Variants in KCNMB2 observed in about 807,000 individuals in gnomAD.
The protein encoded by KCNMB2 is calcium-activated potassium channel subunit beta-2.
In KCNMB2, 9 loss-of-function variants were observed where a neutral mutation model predicts 24.5. That is an observed-to-expected ratio of 0.37 (90% CI 0.22 to 0.64). The LOEUF (loss-of-function observed/expected upper bound fraction) is 0.64, where lower values mean the gene tolerates loss of function less well. Ranked by LOEUF, KCNMB2 falls within the 30% of genes least tolerant of loss-of-function variation. KCNMB2 has a pLI of 0.63. For synonymous variants in KCNMB2, 109 were observed against 104.4 expected (o/e 1.04, Z -0.27); for missense variants, 226 against 284.3 (o/e 0.79, Z 1.47).
chr3:178,538,560 C>T (rs1576996840), intron 1 of KCNMB2, among the ~76,000 whole-genome samples: 1 of 152,184 alleles, frequency 6.6e-6, no homozygotes, highest in East Asian at 1.9e-4. Context: ...AATCTAATTG[C>T]ATCAAGTATT....
intron 1 of KCNMB2, among the ~76,000 whole-genome samples, chr3:178,547,303 G>A (rs1715806473): frequency 6.6e-6 from 1 of 152,110 alleles, no homozygotes; most frequent in African/African-American, 2.4e-5. Context: ...TCAGTCTCAG[G>A]TATTCTGTTA....
chr3:178,728,432 A>C (rs1201718595), intron 1 of KCNMB2, among the ~76,000 whole-genome samples: 1 of 152,198 alleles, frequency 6.6e-6, no homozygotes, highest in East Asian at 1.9e-4. Flanking sequence ...TTTTCATATA[A>C]AAAGTGTTGG....
intron 1 of KCNMB2, among the ~76,000 whole-genome samples, chr3:178,573,171 G>A (rs183819876): frequency 6.6e-5 from 10 of 152,068 alleles, no homozygotes; most frequent in Non-Finnish European, 1.2e-4. Flanking sequence ...ACCACACCCA[G>A]CAAATTTTTG....
At chr3:178,699,333 T>G (rs1205305921) in intron 1 of KCNMB2, among the ~76,000 whole-genome samples, 1 of 151,822 alleles carries the variant, frequency 6.6e-6, no homozygotes, top group African/African-American at 2.4e-5. Flanking sequence ...GGTTAGTGAG[T>G]GAAGGGGAGT....
intron 1 of KCNMB2, among the ~76,000 whole-genome samples, chr3:178,592,879 G>A (rs2108500760): frequency 6.6e-6 from 1 of 152,202 alleles, no homozygotes; most frequent in East Asian, 1.9e-4. Context: ...AATGCACACT[G>A]AAGTCGTTTT....
intron 1 of KCNMB2, among the ~76,000 whole-genome samples, chr3:178,542,563 G>A (rs1472648414): frequency 1.3e-5 from 2 of 152,122 alleles, no homozygotes; most frequent in African/African-American, 4.8e-5. Flanking sequence ...CTATTCAGCT[G>A]TAAAGACTCC....
In KCNMB2 at chr3:178,777,672, T is replaced by C. The variant is rs369378131; in HGVS notation, c.-67-29671T>C. On this transcript the variant is annotated intron_variant, in intron 1 of 4. Transcript: ENST00000452583. ...GTTTAACCAATAGCTGGATAACTCT[T>C]CATTTACAATATTTCAAAGAAATTG... Among the ~76,000 whole-genome samples the C allele has an allele frequency of 1.7e-4, 26 of 152,310 alleles. 1 individual carries two copies. The East Asian group carries it at 2.7e-3, about 16-fold the overall frequency.
chr3:178,539,715 A>AAG (rs200839789), intron 1 of KCNMB2, among the ~76,000 whole-genome samples: 7 of 151,530 alleles, frequency 4.6e-5, no homozygotes, highest in Admixed American at 1.3e-4. Context: ...AAAAAGGGGA[A>AAG]AGAGAGAGAG....
chr3:178,766,536 T>A (rs374458172), intron 1 of KCNMB2, among the ~76,000 whole-genome samples: 2 of 152,280 alleles, frequency 1.3e-5, no homozygotes, highest in East Asian at 3.9e-4. Flanking sequence ...TTAACCTAAT[T>A]CTGCCTTGTG....
chr3:178,754,870 C>T (rs997792213), intron 1 of KCNMB2, among the ~76,000 whole-genome samples: 1 of 152,182 alleles, frequency 6.6e-6, no homozygotes, highest in Admixed American at 6.5e-5. Flanking sequence ...GCACGTTTGG[C>T]CCTCATTCTG....
rs192551366 is a variant in KCNMB2, at chr3:178,566,417, C to T, written c.-68+29706C>T. ...TCTGGCCGTGTCACTCAAACACACACGCACACTTGCACATGTGCACACACA... is the reference window on the plus strand; with the variant it reads ...TCTGGCCGTGTCACTCAAACACACATGCACACTTGCACATGTGCACACACA... On this transcript the variant is annotated intron_variant, in intron 1 of 4. Coordinates refer to ENST00000452583, the MANE Select transcript of KCNMB2 (RefSeq NM_181361.3). 2.8e-3 allele frequency among the ~76,000 whole-genome samples: 432 copies of T among 152,164 alleles called. 6 individuals carry two copies. The highest frequency in any genetic ancestry group is 0.015 in the Admixed American group (230 of 15,288).
chr3:178,691,929 T>A (rs953839052), intron 1 of KCNMB2, among the ~76,000 whole-genome samples: 1 of 152,234 alleles, frequency 6.6e-6, no homozygotes. Flanking sequence ...TTTTTTGACT[T>A]TTTAATAATA....
intron 1 of KCNMB2, among the ~76,000 whole-genome samples, chr3:178,739,384 T>C (rs564380040): frequency 4.5e-4 from 68 of 152,374 alleles, no homozygotes; most frequent in African/African-American, 1.6e-3. Context: ...TTCTTATTCC[T>C]GCTGTTTGAG....
intron 1 of KCNMB2, among the ~76,000 whole-genome samples, chr3:178,758,535 TATATATATATATATATCCAAGAGGAG>T (rs1724323348): frequency 1.3e-4 from 7 of 55,028 alleles, no homozygotes; most frequent in Non-Finnish European, 2.1e-4. Flanking sequence ...TGTATATATA[TATATATATATATATATCCAAGAGGAG>T]ATATATATAT....
intron 1 of KCNMB2, chr3:178,559,076 G>A (rs897453019): frequency 6.6e-6 from 1 of 152,152 alleles, no homozygotes; most frequent in African/African-American, 2.4e-5. Context: ...GAGAGGAGAG[G>A]CTACAATTTA....
intron 1 of KCNMB2, among the ~76,000 whole-genome samples, chr3:178,607,466 A>G (rs575370478): frequency 6.6e-5 from 10 of 152,302 alleles, no homozygotes; most frequent in African/African-American, 2.2e-4. Context: ...CTTGTTCTAG[A>G]CTGCCCAGAT....
chr3:178,643,749 T>C (rs1326162212), intron 1 of KCNMB2, among the ~76,000 whole-genome samples: 1 of 152,176 alleles, frequency 6.6e-6, no homozygotes, highest in South Asian at 2.1e-4. Flanking sequence ...GGACTCGCCC[T>C]GTTGTTTCTA....
In KCNMB2 at chr3:178,695,052, G is replaced by A. The variant is rs548361068; in HGVS notation, c.-67-112291G>A. Among the ~76,000 whole-genome samples the A allele has an allele frequency of 1.3e-4, 20 of 152,362 alleles. No individual in the cohort carries two copies. In the East Asian group the frequency reaches 3.1e-3, roughly 23 times the overall value. On this transcript the variant is annotated intron_variant, in intron 1 of 4. Coordinates refer to ENST00000452583, the MANE Select transcript of KCNMB2 (RefSeq NM_181361.3). ...CCTGGGCATCCAGGCATTTCTATAC[G>A]TCCTCTGAAATCTAGGCAGAGGTTC...
At chr3:178,567,637 T>C (rs1404846988) in intron 1 of KCNMB2, among the ~76,000 whole-genome samples, 1 of 134,742 alleles carries the variant, frequency 7.4e-6, no homozygotes, top group Non-Finnish European at 1.5e-5. Context: ...AAGAAAATTA[T>C]AAAAGACAAA....
Sources: gnomAD v4.1 joint callset for allele counts (sites outside exome capture counted in the v4.1 genomes callset) on GRCh38, gnomAD v4.1.1 for gene constraint, MANE v1.5 for transcripts, NCBI Gene and HGNC (gene_info 2026-07-23, HGNC 2026-07-21) for gene names.